TIMM23: variants seen among roughly 807,000 people sequenced by gnomAD.
TIMM23 encodes the protein translocase of inner mitochondrial membrane 23.
In TIMM23, 19 loss-of-function variants were observed where a neutral mutation model predicts 30.7. That is an observed-to-expected ratio of 0.62 (90% CI 0.43 to 0.91). TIMM23 has a LOEUF of 0.91. Among genes scored for constraint, TIMM23 ranks in the 40% least tolerant of loss-of-function variants. TIMM23 has a pLI of 0.00. For synonymous variants in TIMM23, 78 were observed against 98.5 expected, an observed-to-expected ratio of 0.79 and a Z score of 1.23; for missense variants, 202 against 269.2, an observed-to-expected ratio of 0.75 and a Z score of 1.75.
rs1391887969 is a variant in TIMM23 at position 45,994,264 on chromosome 10, A to G, written c.514+5417A>G. On this transcript the variant is annotated intron_variant, in intron 6 of 6. Coordinates refer to ENST00000580018, the MANE Select transcript of TIMM23 (RefSeq NM_006327.4). ...TGAGAGAGGAGAATCACTTGAACCC[A>G]GGAGATGGTGGTTGCCATGAGGCAA... is the stretch of plus-strand genomic sequence containing the variant. 4.8e-3 allele frequency among the ~76,000 whole-genome samples: 725 copies of G among 152,204 alleles called. 5 individuals are homozygous for G. The highest frequency in any genetic ancestry group is 7.3e-3 in the Non-Finnish European group (499 of 67,994).
At chr10:45,973,168 T>A (rs1554912213) in intron 1 of TIMM23, among the ~76,000 whole-genome samples, 3 of 57,868 alleles carry the variant, frequency 5.2e-5, no homozygotes, top group South Asian at 6.2e-4. Context: ...GTAATATTGT[T>A]TGTAAGTGAG....
chr10:45,984,710 T>G lies in TIMM23; in HGVS notation c.345-673T>G, dbSNP rs1476929224. 5.0e-5 allele frequency: 18 copies of G among 360,370 alleles called. No individual in the cohort carries two copies. In the Admixed American group the frequency reaches 5.1e-4, roughly 10 times the overall value. The allele number at this position is 360,370 out of a possible 1,614,324, so 22.3% of individuals were successfully genotyped here. A position where few individuals can be genotyped will look rare whatever the true frequency, so the allele number is the denominator to read the frequency against. On this transcript the variant is annotated intron_variant, in intron 4 of 6. Transcript: ENST00000580018. ...TTCATCCAGTTGCGTCCATCACTGT[T>G]CTGGTGGTGTCTGGCACTGGTGCAA... is the stretch of plus-strand genomic sequence containing the variant.
intron 2 of TIMM23, among the ~76,000 whole-genome samples, chr10:45,976,313 T>C (rs1837670898): frequency 6.8e-6 from 1 of 146,412 alleles, no homozygotes; most frequent in Admixed American, 6.8e-5. Context: ...CCTTTAATGA[T>C]TATAAAAACA....
intron 2 of TIMM23, among the ~76,000 whole-genome samples, chr10:45,975,941 A>T (rs1344722654): frequency 3.9e-5 from 6 of 152,122 alleles, no homozygotes; most frequent in African/African-American, 1.4e-4. Context: ...AGCTGGGACT[A>T]CAGGCGCCCA....
At chr10:45,991,245 A>G (rs1257989943) in intron 6 of TIMM23, among the ~76,000 whole-genome samples, 1 of 152,260 alleles carries the variant, frequency 6.6e-6, no homozygotes, top group African/African-American at 2.4e-5. Flanking sequence ...GTTTAGGCTT[A>G]TGGCATGGAA....
At chr10:46,001,366 GC>G (rs1554917664) in intron 6 of TIMM23, among the ~76,000 whole-genome samples, 2 of 152,120 alleles carry the variant, frequency 1.3e-5, no homozygotes, top group African/African-American at 4.8e-5. Flanking sequence ...CTACATGACA[GC>G]TGTTTATAGA....
At chr10:46,000,512 G>A (rs994982138) in intron 6 of TIMM23, among the ~76,000 whole-genome samples, 1 of 152,142 alleles carries the variant, frequency 6.6e-6, no homozygotes. Flanking sequence ...GAGCCACCAC[G>A]TCCAGCCCCC....
In TIMM23 at chr10:45,982,633, T is replaced by G; in HGVS notation, c.259+17T>G. The stretch of plus-strand genomic sequence containing the variant: ...GCATGACAGGTGAGTGTTACATACT[T>G]TTTTCTCAAGAGTGCTCAGTTCAAG... On this transcript the variant is annotated intron_variant, in intron 3 of 6. Coordinates refer to ENST00000580018, the MANE Select transcript of TIMM23 (RefSeq NM_006327.4). The G allele has an allele frequency of 6.2e-7, 1 of 1,613,772 alleles. No homozygotes were observed.
chr10:45,982,917 C>A lies in TIMM23; in HGVS notation c.331C>A (p.Pro111Thr). Residue 111 changes from proline to threonine, a missense_variant, in exon 4 of 7, where the codon CCA becomes ACA. Coordinates refer to ENST00000580018, the MANE Select transcript of TIMM23 (RefSeq NM_006327.4). ...KETQNMAWSK[P>T]RNVQILNMVT... is the part of the protein sequence containing the mutation. ...AACCCAGAACATGGCCTGGTCCAAA[C>A]CAAGAAATGTACAGTAAGTCTCTTG... 1.2e-6 allele frequency: 2 copies of A among 1,613,764 alleles called. No homozygotes were observed. Among genetic ancestry groups the A allele is most frequent in the Non-Finnish European group, 1.7e-6 (2 of 1,179,828 alleles).
intron 2 of TIMM23, among the ~76,000 whole-genome samples, chr10:45,977,750 G>A (rs1454084173): frequency 6.6e-6 from 1 of 152,224 alleles, no homozygotes; most frequent in African/African-American, 2.4e-5. Flanking sequence ...CAAGAATGGA[G>A]GCCAGGTGCA....
chr10:45,997,703 G>A (rs1372374034), intron 6 of TIMM23, among the ~76,000 whole-genome samples: 4 of 152,070 alleles, frequency 2.6e-5, no homozygotes, highest in Admixed American at 6.6e-5. Context: ...TACTTAGGAG[G>A]TTGTTGTGGG....
intron 5 of TIMM23, among the ~76,000 whole-genome samples, chr10:45,987,428 A>G (rs1838021992): frequency 6.6e-6 from 1 of 152,044 alleles, no homozygotes; most frequent in African/African-American, 2.4e-5. Flanking sequence ...TCTGTCCCAC[A>G]AAACTGAGCC....
chr10:46,003,456 C>T lies in TIMM23; in HGVS notation c.*138C>T. On this transcript the variant is annotated 3_prime_UTR_variant, in exon 7 of 7. Coordinates refer to ENST00000580018, the MANE Select transcript of TIMM23 (RefSeq NM_006327.4). ...GATTTTGATTTGCTGTGATGAAAAT[C>T]CTGGATGGCTGACCAAGACTGGCAC... 1 of 650,168 alleles carries T rather than the reference C, an allele frequency of 1.5e-6. No homozygotes were observed. Among genetic ancestry groups the T allele is most frequent in the Non-Finnish European group, 2.6e-6 (1 of 386,836 alleles). The allele number at this position is 650,168 out of a possible 1,614,324, so 40.3% of individuals were successfully genotyped here.
intron 5 of TIMM23, among the ~76,000 whole-genome samples, chr10:45,987,053 T>A (rs1452493598): frequency 6.6e-6 from 1 of 152,182 alleles, no homozygotes; most frequent in Non-Finnish European, 1.5e-5. Context: ...TTTAAGTGAC[T>A]GTATAGTATT....
chr10:45,972,578 C>A lies in TIMM23; in HGVS notation c.-47C>A. The A allele has an allele frequency of 6.2e-7, 1 of 1,601,100 alleles. No homozygotes were observed. Among genetic ancestry groups the A allele is most frequent in the South Asian group, 1.1e-5 (1 of 89,900 alleles). ...TGAGGAGTAACGGCCCAGCGGACCA[C>A]CCAGGCTTGAGGCAGCGGCGGGAAC... On this transcript the variant is annotated 5_prime_UTR_variant, in exon 1 of 7. Coordinates refer to ENST00000580018, the MANE Select transcript of TIMM23 (RefSeq NM_006327.4).
intron 6 of TIMM23, chr10:45,992,261 C>T (rs1328007535): frequency 7.1e-6 from 3 of 421,940 alleles, no homozygotes; most frequent in Non-Finnish European, 1.4e-5. Flanking sequence ...CTGTGCCCAG[C>T]TGCCTGAATT....
intron 6 of TIMM23, among the ~76,000 whole-genome samples, chr10:45,991,991 G>A (rs1554915864): frequency 6.6e-6 from 1 of 151,118 alleles, no homozygotes; most frequent in South Asian, 2.1e-4. Context: ...TTTTGAGTTG[G>A]GGTCTTGCTC....
intron 6 of TIMM23, among the ~76,000 whole-genome samples, chr10:46,000,989 T>A (rs1838514434): frequency 6.6e-6 from 1 of 152,228 alleles, no homozygotes; most frequent in Admixed American, 6.5e-5. Context: ...AAATTAGATC[T>A]AATAACTGAG....
At chr10:45,982,717 T>C in intron 3 of TIMM23, 101 bp downstream of exon 3, 1 of 1,552,834 alleles carries the variant, frequency 6.4e-7, no homozygotes, top group African/African-American at 1.4e-5. Flanking sequence ...GTTTTTTTTT[T>C]AATATTTACA....
Sources: gnomAD v4.1 joint callset for allele counts (sites outside exome capture counted in the v4.1 genomes callset) on GRCh38, gnomAD v4.1.1 for gene constraint, MANE v1.5 for transcripts, NCBI Gene and HGNC (gene_info 2026-07-23, HGNC 2026-07-21) for gene names.